UTRN: variants seen among roughly 807,000 people sequenced by gnomAD.
UTRN encodes the protein dystrophin-related protein 1.
Under a neutral mutation model 463.9 loss-of-function variants are expected in UTRN, and 283 were observed. The observed-to-expected ratio is 0.61, with a 90% confidence interval of 0.55 to 0.67. UTRN has a LOEUF of 0.67. UTRN is among the 30% of genes least tolerant of loss of function. The probability of loss-of-function intolerance (pLI) is 0.00; values close to 1 mark genes in which losing one functional copy is unlikely to be tolerated. For synonymous variants in UTRN, 1,442 were observed against 1,431.5 expected (o/e 1.01, Z -0.17); for missense variants, 3,922 against 4,084.3 (o/e 0.96, Z 1.08).
chr6:144,392,019 T>C (rs1462668785), intron 2 of UTRN, among the ~76,000 whole-genome samples: 3 of 152,246 alleles, frequency 2.0e-5, no homozygotes, highest in Admixed American at 6.5e-5. Context: ...CATTGGGTGC[T>C]GAGTTCCTGA....
chr6:144,772,016 GTTTTTTTTTTTTTTTT>G (rs748399313), intron 59 of UTRN, 48 bp downstream of exon 59: 114 of 127,550 alleles, frequency 8.9e-4, no homozygotes, highest in African/African-American at 1.9e-3. Flanking sequence ...CTGAGAACCG[GTTTTTTTTTTTTTTTT>G]TTTTTTTTTT....
chr6:144,838,206 T>C (rs1244755186), intron 71 of UTRN, among the ~76,000 whole-genome samples: 1 of 152,320 alleles, frequency 6.6e-6, no homozygotes, highest in East Asian at 1.9e-4. Flanking sequence ...TGCCTTCCCC[T>C]ACTCCCTCCA....
At chr6:144,637,019 A>C (rs914589503) in intron 51 of UTRN, among the ~76,000 whole-genome samples, 5 of 152,112 alleles carry the variant, frequency 3.3e-5, no homozygotes, top group Non-Finnish European at 5.9e-5. Flanking sequence ...CCCAGCCTGA[A>C]GTGCAGTGAT....
chr6:144,362,745 A>G (rs1280188933), intron 2 of UTRN, among the ~76,000 whole-genome samples: 1 of 152,226 alleles, frequency 6.6e-6, no homozygotes, highest in East Asian at 1.9e-4. Flanking sequence ...ATGACATGCC[A>G]CTTGTTATGT....
rs1485735798 is a variant in UTRN, at chr6:144,285,592, A to G, written c.-322A>G. On this transcript the variant is annotated 5_prime_UTR_variant, in exon 1 of 75. Coordinates refer to ENST00000367545, the MANE Select transcript of UTRN (RefSeq NM_007124.3). ...ACCAGGCAGGAAGATTGCACAAGTA[A>G]GGGGCGTTTTCAGTCGGGTGTCAAT... The G allele has an allele frequency of 6.6e-6, 1 of 152,222 alleles. No individual in the cohort carries two copies. The highest frequency in any genetic ancestry group is 2.4e-5 in the African/African-American group (1 of 41,464). The allele number at this position is 152,222 out of a possible 1,614,324, so 9.4% of individuals were successfully genotyped here. A position where few individuals can be genotyped will look rare whatever the true frequency, so the allele number is the denominator to read the frequency against.
intron 2 of UTRN, among the ~76,000 whole-genome samples, chr6:144,317,356 C>T (rs1232751154): frequency 1.3e-5 from 2 of 152,134 alleles, no homozygotes; most frequent in African/African-American, 4.8e-5. Context: ...CAACGATTTG[C>T]CTTAATCCTG....
intron 56 of UTRN, 38 bp downstream of exon 56, chr6:144,751,990 C>A: frequency 1.3e-6 from 2 of 1,549,016 alleles, no homozygotes; most frequent in Non-Finnish European, 1.7e-6. Context: ...AGGCTTACAC[C>A]TTGGGTGGTC....
chr6:144,650,345 C>A (rs1046135563), intron 51 of UTRN, among the ~76,000 whole-genome samples: 4 of 152,034 alleles, frequency 2.6e-5, no homozygotes, highest in African/African-American at 2.4e-5. Context: ...CAAGAAATAT[C>A]AAAAAATATT....
At chr6:144,640,876 T>G (rs1349540947) in intron 51 of UTRN, among the ~76,000 whole-genome samples, 1 of 152,236 alleles carries the variant, frequency 6.6e-6, no homozygotes, top group Non-Finnish European at 1.5e-5. Flanking sequence ...CAGTTTCATT[T>G]GAAGACCAGA....
At chr6:144,685,851 C>T (rs1357215132) in intron 52 of UTRN, among the ~76,000 whole-genome samples, 2 of 151,892 alleles carry the variant, frequency 1.3e-5, no homozygotes, top group Admixed American at 6.6e-5. Flanking sequence ...TTTTTTTGCT[C>T]TGTTGATTAT....
intron 39 of UTRN, among the ~76,000 whole-genome samples, chr6:144,521,201 G>A (rs540246578): frequency 3.9e-5 from 6 of 152,196 alleles, no homozygotes; most frequent in Non-Finnish European, 7.4e-5. Context: ...CAGAAGAATC[G>A]CTTGAACCTG....
chr6:144,576,994 G>A, intron 50 of UTRN, 105 bp from the exon 51 acceptor site: 2 of 1,055,114 alleles, frequency 1.9e-6, no homozygotes, highest in Non-Finnish European at 2.7e-6. Context: ...TTGAATAAAA[G>A]GTCCTTTGGG....
At chr6:144,735,836 C>A (rs997506309) in intron 54 of UTRN, among the ~76,000 whole-genome samples, 1 of 151,794 alleles carries the variant, frequency 6.6e-6, no homozygotes, top group Non-Finnish European at 1.5e-5. Context: ...TCTAGTCATG[C>A]GTCATTCATA....
intron 62 of UTRN, among the ~76,000 whole-genome samples, chr6:144,792,814 T>C (rs1053280976): frequency 2.0e-5 from 3 of 152,202 alleles, no homozygotes; most frequent in Non-Finnish European, 4.4e-5. Flanking sequence ...GGATATTAGC[T>C]TTATTGTTGA....
chr6:144,681,887 A>G (rs1782236859), intron 52 of UTRN, among the ~76,000 whole-genome samples: 1 of 152,154 alleles, frequency 6.6e-6, no homozygotes, highest in African/African-American at 2.4e-5. Context: ...TATGGAGTAC[A>G]CGAGATATTT....
At chr6:144,508,127 G>A (rs577841891) in intron 34 of UTRN, among the ~76,000 whole-genome samples, 2 of 152,256 alleles carry the variant, frequency 1.3e-5, no homozygotes, top group African/African-American at 4.8e-5. Flanking sequence ...TCAGACTGCT[G>A]TCCTGGCAGC....
At chr6:144,441,266 G>T (rs1250072170) in intron 13 of UTRN, among the ~76,000 whole-genome samples, 13 of 152,186 alleles carry the variant, frequency 8.5e-5, no homozygotes, top group Non-Finnish European at 1.8e-4. Flanking sequence ...CCGCCTATGA[G>T]CCTGCAAAGT....
chr6:144,797,938 A>G lies in UTRN; in HGVS notation c.9193A>G (p.Lys3065Glu), dbSNP rs538692766. ...TCGAGTGGCAGCAGCGGAGACTGCA[A>G]AACATCAGGCCAAATGCAACATCTG... The part of the protein sequence containing the change: ...LHRVAAAETA[K>E]HQAKCNICKE... Residue 3065 changes from lysine (K) to glutamate (E), a missense_variant, in exon 64 of 75, where the codon AAA (lysine) becomes GAA (glutamate). Lys to Glu is a moderately conservative substitution (Grantham distance 56). Transcript: ENST00000367545. 1 of 1,614,182 alleles carries G rather than the reference A, an allele frequency of 6.2e-7. No individual in the cohort carries two copies. The highest frequency in any genetic ancestry group is 1.1e-5 in the South Asian group (1 of 91,076).
At chr6:144,479,462 A>G (rs913190671) in intron 25 of UTRN, among the ~76,000 whole-genome samples, 1 of 151,648 alleles carries the variant, frequency 6.6e-6, no homozygotes, top group Non-Finnish European at 1.5e-5. Flanking sequence ...TCTTTTTTCC[A>G]TTATAAGTAG....
Sources: allele counts gnomAD v4.1 joint callset (sites outside exome capture counted in the v4.1 genomes callset), GRCh38; gene constraint gnomAD v4.1.1; transcripts MANE v1.5; gene names NCBI Gene and HGNC (gene_info 2026-07-23, HGNC 2026-07-21).